CNST: variants seen among roughly 807,000 people sequenced by gnomAD.
The protein encoded by CNST is consortin.
In CNST, 39 loss-of-function variants were observed where a neutral mutation model predicts 72.4. The ratio of observed to expected loss-of-function variants is 0.54; its 90% CI spans 0.42 to 0.70. CNST has a LOEUF of 0.70. CNST is among the 30% of genes least tolerant of loss of function. The pLI, the probability that CNST is intolerant of heterozygous loss-of-function variation, is 0.00. For missense variants in CNST, 871 were observed against 868.5 expected (o/e 1.00, Z -0.04); for synonymous variants, 332 against 320.1 (o/e 1.04, Z -0.40).
chr1:246,657,749 A>G (rs1666848748), intron 9 of CNST, among the ~76,000 whole-genome samples: 1 of 152,168 alleles, frequency 6.6e-6, no homozygotes, highest in African/African-American at 2.4e-5. Flanking sequence ...CAGCCGCTGC[A>G]CTAGGACCAG....
chr1:246,588,109 G>A (rs1345509258), intron 1 of CNST, among the ~76,000 whole-genome samples: 1 of 151,806 alleles, frequency 6.6e-6, no homozygotes, highest in African/African-American at 2.4e-5. Context: ...TTTGCTAAAT[G>A]AAGAACTAAA....
chr1:246,638,914 G>T (rs1221103574), intron 6 of CNST, among the ~76,000 whole-genome samples: 1 of 152,218 alleles, frequency 6.6e-6, no homozygotes, highest in Non-Finnish European at 1.5e-5. Context: ...TATGAATAGA[G>T]CATACAGTTG....
intron 2 of CNST, among the ~76,000 whole-genome samples, chr1:246,596,269 G>T (rs1192299221): frequency 6.6e-6 from 1 of 151,932 alleles, no homozygotes; most frequent in Non-Finnish European, 1.5e-5. Context: ...AAAATAATTA[G>T]CTGGGCATGG....
In CNST at chr1:246,588,033, CTT is replaced by C. The variant is rs148876573; in HGVS notation, c.-51-3477_-51-3476del. On this transcript the variant is annotated intron_variant, in intron 1 of 10. Coordinates refer to ENST00000366513, the MANE Select transcript of CNST (RefSeq NM_152609.3). ...TTGTTTTTCCTTTTGTGTCTTGTAA[CTT>C]TGTCACATTTTTATCCTTCTTGCCT... Among the ~76,000 whole-genome samples the C allele has an allele frequency of 4.2e-3, 638 of 152,096 alleles. 4 individuals carry two copies. Among genetic ancestry groups the C allele is most frequent in the African/African-American group, 0.015 (606 of 41,502 alleles).
intron 9 of CNST, among the ~76,000 whole-genome samples, chr1:246,649,155 T>G (rs1666302824): frequency 9.7e-6 from 1 of 102,794 alleles, no homozygotes; most frequent in African/African-American, 3.4e-5. Flanking sequence ...TACAGACTGT[T>G]GTTTTGTTTT....
intron 9 of CNST, among the ~76,000 whole-genome samples, chr1:246,649,159 TTG>T (rs869268851): frequency 5.6e-5 from 5 of 89,634 alleles, no homozygotes; most frequent in East Asian, 4.7e-4. Context: ...GACTGTTGTT[TTG>T]TTTTTTTTTT....
chr1:246,629,002 GTCTC>G (rs773783156), intron 3 of CNST, among the ~76,000 whole-genome samples: 6 of 152,134 alleles, frequency 3.9e-5, no homozygotes, highest in Admixed American at 2.0e-4. Context: ...TAGATACATA[GTCTC>G]TCTGTTTTTT....
At chr1:246,574,966 C>G (rs1017472329) in intron 1 of CNST, among the ~76,000 whole-genome samples, 1 of 91,368 alleles carries the variant, frequency 1.1e-5, no homozygotes, top group Non-Finnish European at 2.5e-5. Flanking sequence ...AAATCTTCCT[C>G]AAGTATTTTA....
intron 1 of CNST, 102 bp from the exon 2 acceptor site, chr1:246,591,410 C>CTA: frequency 1.2e-6 from 1 of 825,720 alleles, no homozygotes; most frequent in Non-Finnish European, 1.9e-6. Context: ...CTTCTCTTCC[C>CTA]TATTTACAAT....
intron 3 of CNST, among the ~76,000 whole-genome samples, chr1:246,627,592 G>A (rs1664518467): frequency 6.6e-6 from 1 of 152,230 alleles, no homozygotes; most frequent in Admixed American, 6.5e-5. Context: ...TGTATGCCAG[G>A]AAGGAGAGGG....
Position 246,647,271 on chromosome 1 carries a change from A to G in CNST, c.1070A>G (p.Lys357Arg), listed in dbSNP as rs751195113. 24 of 1,614,048 alleles carry G rather than the reference A, an allele frequency of 1.5e-5. No homozygotes were observed. The highest frequency in any genetic ancestry group is 2.0e-5 in the Non-Finnish European group (24 of 1,180,046). Residue 357 changes from lysine to arginine, a missense_variant, in exon 9 of 11, where the codon AAG becomes AGG. Physicochemically the swap from Lys to Arg is conservative, Grantham distance 26. Coordinates refer to ENST00000366513, the MANE Select transcript of CNST (RefSeq NM_152609.3). Reference sequence around the variant, plus strand: ...CCAAGCCTTTCGGTAACTGCAGGAAAGGACCACATGGAGGAGCTGCTCTGC... The same window carrying G: ...CCAAGCCTTTCGGTAACTGCAGGAAGGGACCACATGGAGGAGCTGCTCTGC... Reference protein sequence around the residue: ...DSPSLSVTAGKDHMEELLCSA... With the variant: ...DSPSLSVTAGRDHMEELLCSA...
intron 2 of CNST, chr1:246,607,348 C>A (rs1451755635): frequency 6.6e-6 from 1 of 152,020 alleles, no homozygotes; most frequent in Non-Finnish European, 1.5e-5. Flanking sequence ...GTGGTAAGCG[C>A]GATGCCCTCT....
At chr1:246,662,802 G>A (rs889042697) in intron 10 of CNST, among the ~76,000 whole-genome samples, 1 of 151,998 alleles carries the variant, frequency 6.6e-6, no homozygotes, top group African/African-American at 2.4e-5. Flanking sequence ...TTCACACTAA[G>A]TATTCAGAAT....
At chr1:246,614,512 ATTTT>A (rs147741779) in intron 2 of CNST, among the ~76,000 whole-genome samples, 6 of 141,456 alleles carry the variant, frequency 4.2e-5, no homozygotes, top group Non-Finnish European at 1.6e-5. Context: ...ACTGCAATAA[ATTTT>A]TTTTTTTTTT....
intron 2 of CNST, among the ~76,000 whole-genome samples, chr1:246,604,061 A>G (rs1414835665): frequency 6.6e-6 from 1 of 152,166 alleles, no homozygotes; most frequent in Non-Finnish European, 1.5e-5. Flanking sequence ...GTGAAACCCC[A>G]TCTCTACTAA....
rs367672418 is a variant in CNST, at chr1:246,652,810, C to G, written c.1836+4773C>G. ...ACGAGGTCAGGAGATCGAGACCATC[C>G]TGGCTAACACGGTGAAACCCCGTCT... On this transcript the variant is annotated intron_variant, in intron 9 of 10. Coordinates refer to ENST00000366513, the MANE Select transcript of CNST (RefSeq NM_152609.3). Among the ~76,000 whole-genome samples, 600 of 150,632 alleles carry G rather than the reference C, an allele frequency of 4.0e-3. 4 individuals are homozygous for G. The highest frequency in any genetic ancestry group is 0.012 in the African/African-American group (502 of 40,766).
intron 10 of CNST, among the ~76,000 whole-genome samples, chr1:246,663,227 T>C (rs1030427279): frequency 6.6e-6 from 1 of 151,262 alleles, no homozygotes; most frequent in East Asian, 2.0e-4. Flanking sequence ...TGGTGGTGTG[T>C]GCACCTTTGG....
In CNST at chr1:246,569,335, A is replaced by G. The variant is rs143335667; in HGVS notation, c.-52+2672A>G. On this transcript the variant is annotated intron_variant, in intron 1 of 10. Transcript: ENST00000366513. ...ATAAAATCTGGTATTTTATACTTAC[A>G]GCACATCTCAGTTTGGAGAAGCCAC... 3.9e-3 allele frequency among the ~76,000 whole-genome samples: 594 copies of G among 152,320 alleles called. 3 individuals are homozygous for G. The highest frequency in any genetic ancestry group is 0.014 in the African/African-American group (570 of 41,570).
chr1:246,608,016 C>G (rs1057106115), intron 2 of CNST: 2 of 151,926 alleles, frequency 1.3e-5, no homozygotes, highest in African/African-American at 4.8e-5. Flanking sequence ...GGGAGGTGAA[C>G]ATTGCAGTGA....
Sources: allele counts gnomAD v4.1 joint callset (sites outside exome capture counted in the v4.1 genomes callset), GRCh38; gene constraint gnomAD v4.1.1; transcripts MANE v1.5; gene names NCBI Gene and HGNC (gene_info 2026-07-23, HGNC 2026-07-21).